NME9: variants seen among roughly 807,000 people sequenced by gnomAD.
NME9 encodes the protein thioredoxin domain-containing protein 6.
In NME9, 48 loss-of-function variants were observed where a neutral mutation model predicts 44.4. The observed-to-expected ratio is 1.08, with a 90% CI of 0.86 to 1.37. The LOEUF (loss-of-function observed/expected upper bound fraction) is 1.37, where lower values mean the gene tolerates loss of function less well. Among genes scored for constraint, NME9 ranks in the 40% most tolerant of loss-of-function variants. The pLI is 0.00. For synonymous variants in NME9, 139 were observed against 147.1 expected (o/e 0.94, Z 0.40); for missense variants, 325 against 405.2 (o/e 0.80, Z 1.70).
chr3:138,318,355 T>C, intron 3 of NME9, 136 bp from the exon 4 acceptor site: 1 of 679,626 alleles, frequency 1.5e-6, no homozygotes, highest in Admixed American at 2.2e-5. Context: ...GCTCTCATGC[T>C]GTTCCTGCTA....
At chr3:138,314,235 C>A in intron 6 of NME9, 97 bp downstream of exon 6, 2 of 639,098 alleles carry the variant, frequency 3.1e-6, no homozygotes, top group Admixed American at 2.8e-5. Flanking sequence ...TCTCATAGTT[C>A]AGATTGCTCA....
At chr3:138,272,796 C>T (rs1343426136) in intron 8 of NME9, among the ~76,000 whole-genome samples, 4 of 152,044 alleles carry the variant, frequency 2.6e-5, no homozygotes, top group African/African-American at 7.2e-5. Context: ...TGCTTGAACC[C>T]GGGAGGCAGA....
intron 10 of NME9, 130 bp from the exon 11 acceptor site, chr3:138,301,834 A>G: frequency 1.5e-6 from 1 of 672,148 alleles, no homozygotes; most frequent in East Asian, 2.7e-5. Context: ...AAGTCCTGAT[A>G]CGTGTTAGGG....
chr3:138,301,655 A>C lies in NME9; in HGVS notation c.978T>G (p.Pro326=), dbSNP rs757745329. The change falls in exon 11 of 11, where the codon CCT becomes CCG. Residue 326 remains proline (P), a synonymous_variant. Transcript: ENST00000333911. ...TAGPTEALCF[P]EDVD ...CACAGCCATCTCAATCCACATCCTCAGGAAAGCAAAGCGCCTCAGTGGGCC... is the reference window on the plus strand; with the variant it reads ...CACAGCCATCTCAATCCACATCCTCCGGAAAGCAAAGCGCCTCAGTGGGCC... The C allele has an allele frequency of 8.5e-6, 13 of 1,536,108 alleles. No individual in the cohort carries two copies. The highest frequency in any genetic ancestry group is 1.1e-5 in the Non-Finnish European group (13 of 1,146,858).
rs2054001510 is a variant in NME9 at position 138,329,621 on chromosome 3, CA to C, written c.-287del. ...GCCCCCTCCCCACCCCGGAGCCGGC[CA>C]GGGGGCGCGCGCAGAGGCCGGAGTC... On this transcript the variant is annotated 5_prime_UTR_variant, in exon 1 of 11. The change creates a premature stop within an existing upstream ORF in the 5' untranslated region. Transcript: ENST00000333911. The C allele has an allele frequency of 1.5e-6, 2 of 1,295,528 alleles. No homozygotes were observed. Among genetic ancestry groups the C allele is most frequent in the African/African-American group, 1.5e-5 (1 of 65,092 alleles). The allele number at this position is 1,295,528 out of a possible 1,614,324, so 80.3% of individuals were successfully genotyped here.
intron 8 of NME9, chr3:138,263,527 G>A (rs534673332): frequency 2.1e-4 from 121 of 582,198 alleles, no homozygotes; most frequent in Non-Finnish European, 2.3e-4. Flanking sequence ...TGCCCCTTAC[G>A]CCTGTCATTC....
At chr3:138,281,685 A>G (rs2049943855) in intron 8 of NME9, among the ~76,000 whole-genome samples, 1 of 152,078 alleles carries the variant, frequency 6.6e-6, no homozygotes, top group South Asian at 2.1e-4. Context: ...TCACTTTTTC[A>G]TGCTGTTCAA....
chr3:138,300,270 G>A (rs966230082), downstream of NME9, among the ~76,000 whole-genome samples: 1 of 152,154 alleles, frequency 6.6e-6, no homozygotes, highest in African/African-American at 2.4e-5. Context: ...AAGGTCACTG[G>A]CCTTGGTTCC....
At chr3:138,308,080 C>T (rs1209973894) in intron 6 of NME9, among the ~76,000 whole-genome samples, 1 of 152,072 alleles carries the variant, frequency 6.6e-6, no homozygotes, top group Non-Finnish European at 1.5e-5. Flanking sequence ...AGATGGTTTT[C>T]TACGTGGGAG....
chr3:138,273,792 T>G (rs1191933767), intron 8 of NME9, among the ~76,000 whole-genome samples: 1 of 151,996 alleles, frequency 6.6e-6, no homozygotes, highest in Non-Finnish European at 1.5e-5. Context: ...GCTTCCCCCA[T>G]TACCCCAGTC....
downstream of NME9, among the ~76,000 whole-genome samples, chr3:138,299,650 A>G (rs1433600412): frequency 2.0e-5 from 3 of 152,094 alleles, no homozygotes; most frequent in South Asian, 4.1e-4. Context: ...GTCACCAGTA[A>G]TGGGAGGAAG....
chr3:138,313,908 A>AT (rs1299813188), intron 6 of NME9, among the ~76,000 whole-genome samples: 5 of 152,212 alleles, frequency 3.3e-5, no homozygotes, highest in African/African-American at 1.2e-4. Context: ...AGAGGCCAGG[A>AT]AGTGGAGAGA....
chr3:138,287,487 G>T, intron 8 of NME9: 17 of 336,732 alleles, frequency 5.0e-5, no homozygotes, highest in South Asian at 1.2e-4. Context: ...AGTAATTTGT[G>T]TCCTTAAAAA....
At chr3:138,271,906 G>A (rs2048836923) in intron 8 of NME9, among the ~76,000 whole-genome samples, 1 of 150,076 alleles carries the variant, frequency 6.7e-6, no homozygotes, top group South Asian at 2.1e-4. Flanking sequence ...AGTGATTCTT[G>A]TGCCTCAACC....
In NME9 at chr3:138,306,441, G is replaced by A. The variant is rs767861356; in HGVS notation, c.500C>T (p.Pro167Leu). 24 of 1,613,398 alleles carry A rather than the reference G, an allele frequency of 1.5e-5. No individual in the cohort carries two copies. Among genetic ancestry groups the A allele is most frequent in the Non-Finnish European group, 1.9e-5 (22 of 1,179,634 alleles). The change falls in exon 7 of 11, where the codon CCA (proline) becomes CTA (leucine). Residue 167 changes from proline to leucine, a missense_variant. Pro to Leu is a moderately conservative substitution (Grantham distance 98, BLOSUM62 -3). Coordinates refer to ENST00000333911, the MANE Select transcript of NME9 (RefSeq NM_001349018.2). The stretch of plus-strand genomic sequence containing the variant: ...AGTCTTTCCATGGGCCACTGCATCT[G>A]GTTTAATGATGGCCAAGGTACAGGT... ...ERTCTLAIIK[P>L]DAVAHGKTDE...
chr3:138,301,644 T>G lies in NME9; in HGVS notation c.989A>C (p.Asp330Ala). ...TGGAAGAGCAGCACAGCCATCTCAA[T>G]CCACATCCTCAGGAAAGCAAAGCGC... Reference protein sequence around the residue: ...TEALCFPEDVD With the variant: ...TEALCFPEDVA The change falls in exon 11 of 11, where the codon GAT becomes GCT. Residue 330 changes from aspartate to alanine, a missense_variant. Coordinates refer to ENST00000333911, the MANE Select transcript of NME9 (RefSeq NM_001349018.2). 6.5e-6 allele frequency: 10 copies of G among 1,536,118 alleles called. No homozygotes were observed. The highest frequency in any genetic ancestry group is 8.7e-6 in the Non-Finnish European group (10 of 1,146,896).
chr3:138,289,118 A>G (rs1371236327), intron 8 of NME9: 1 of 1,611,682 alleles, frequency 6.2e-7, no homozygotes. Flanking sequence ...AATGAAGAGG[A>G]AGGTAAGAGA....
intron 1 of NME9, among the ~76,000 whole-genome samples, chr3:138,328,301 T>G (rs1221772000): frequency 6.6e-6 from 1 of 152,122 alleles, no homozygotes; most frequent in East Asian, 1.9e-4. Flanking sequence ...AAGAACTACA[T>G]CAGGTCTTCT....
intron 8 of NME9, among the ~76,000 whole-genome samples, chr3:138,294,489 GTTC>G (rs957667492): frequency 2.6e-5 from 4 of 152,176 alleles, no homozygotes; most frequent in African/African-American, 9.7e-5. Context: ...AGAGCTTTCT[GTTC>G]TGATGGATTG....
Sources: allele counts gnomAD v4.1 joint callset (sites outside exome capture counted in the v4.1 genomes callset), GRCh38; gene constraint gnomAD v4.1.1; transcripts MANE v1.5; gene names NCBI Gene and HGNC (gene_info 2026-07-23, HGNC 2026-07-21).